The following GABRB1 variants were observed in gnomAD, a reference collection of about 807,000 sequenced individuals.
The protein encoded by GABRB1 is gamma-aminobutyric acid type A receptor subunit beta1.
In GABRB1, 17 loss-of-function variants were observed where a neutral mutation model predicts 51.6. That is an observed-to-expected ratio of 0.33 (90% CI 0.23 to 0.49). GABRB1 has a LOEUF of 0.49. Ranked by LOEUF, GABRB1 falls within the 20% of genes least tolerant of loss-of-function variation. The pLI, the probability that GABRB1 is intolerant of heterozygous loss-of-function variation, is 0.99. For synonymous variants in GABRB1, 247 were observed against 218.9 expected (o/e 1.13, Z -1.14); for missense variants, 410 against 600.6 (o/e 0.68, Z 3.32).
Position 47,266,521 on chromosome 4 carries a change from A to T in GABRB1, c.462-53606A>T, listed in dbSNP as rs185184126. Among the ~76,000 whole-genome samples the T allele has an allele frequency of 3.3e-5, 5 of 152,248 alleles. No homozygotes were observed. The East Asian group carries it at 7.7e-4, about 23-fold the overall frequency. ...TTAATTACAATTTAGTTTCTGTCTT[A>T]ATTTCATCATTGACCCAAAGATCGG... On this transcript the variant is annotated intron_variant, in intron 4 of 8. Transcript: ENST00000295454.
chr4:47,059,350 T>A (rs574955837), intron 3 of GABRB1, among the ~76,000 whole-genome samples: 1 of 152,274 alleles, frequency 6.6e-6, no homozygotes, highest in Admixed American at 6.5e-5. Context: ...TTAATGTAAT[T>A]TTTTTGAGAA....
At chr4:47,304,154 T>C (rs1187837857) in intron 4 of GABRB1, among the ~76,000 whole-genome samples, 2 of 152,040 alleles carry the variant, frequency 1.3e-5, no homozygotes, top group Non-Finnish European at 2.9e-5. Context: ...TTTGACTATT[T>C]ACCCAGTAGA....
intron 8 of GABRB1, among the ~76,000 whole-genome samples, chr4:47,412,495 G>C (rs981122967): frequency 1.3e-5 from 2 of 152,106 alleles, no homozygotes; most frequent in Admixed American, 1.3e-4. Context: ...ATTTAAACAT[G>C]CTTTATATCA....
chr4:47,306,217 C>T (rs1724463821), intron 4 of GABRB1, among the ~76,000 whole-genome samples: 1 of 118,782 alleles, frequency 8.4e-6, no homozygotes, highest in Admixed American at 1.0e-4. Flanking sequence ...TATCCCAGAA[C>T]TTAAAGTAAA....
intron 5 of GABRB1, among the ~76,000 whole-genome samples, chr4:47,342,971 T>G (rs1413149595): frequency 6.6e-6 from 1 of 152,040 alleles, no homozygotes; most frequent in Non-Finnish European, 1.5e-5. Flanking sequence ...GCAAGATGTG[T>G]GGTGTGAAGA....
intron 3 of GABRB1, among the ~76,000 whole-genome samples, chr4:47,110,978 A>G (rs1715189386): frequency 6.6e-6 from 1 of 152,206 alleles, no homozygotes; most frequent in Non-Finnish European, 1.5e-5. Context: ...AATAAGGTTT[A>G]CAAAAAAGGA....
At chr4:47,110,303 G>T (rs530975929) in intron 3 of GABRB1, among the ~76,000 whole-genome samples, 11 of 151,736 alleles carry the variant, frequency 7.2e-5, no homozygotes, top group Non-Finnish European at 1.5e-4. Context: ...ATCTCAAGAG[G>T]CACTGTTATT....
intron 4 of GABRB1, among the ~76,000 whole-genome samples, chr4:47,197,845 C>T (rs1196047160): frequency 1.3e-5 from 2 of 152,102 alleles, no homozygotes. Flanking sequence ...GTAAGAACAC[C>T]TGTGACATTT....
At chr4:47,107,088 C>T (rs2109619093) in intron 3 of GABRB1, among the ~76,000 whole-genome samples, 1 of 152,190 alleles carries the variant, frequency 6.6e-6, no homozygotes, top group East Asian at 1.9e-4. Context: ...AGCTAAAACA[C>T]TTTAACAGCT....
intron 4 of GABRB1, among the ~76,000 whole-genome samples, chr4:47,319,403 G>A (rs758523560): frequency 2.0e-5 from 3 of 151,964 alleles, no homozygotes; most frequent in Non-Finnish European, 4.4e-5. Context: ...AGATCTTAGA[G>A]GAAAAGCTTT....
At chr4:47,100,372 A>G (rs1262172772) in intron 3 of GABRB1, among the ~76,000 whole-genome samples, 1 of 152,094 alleles carries the variant, frequency 6.6e-6, no homozygotes, top group East Asian at 1.9e-4. Flanking sequence ...GGGAGAAAGA[A>G]GTCAAGAAAG....
At chr4:47,303,665 T>C (rs748660948) in intron 4 of GABRB1, among the ~76,000 whole-genome samples, 42 of 152,052 alleles carry the variant, frequency 2.8e-4, no homozygotes, top group Non-Finnish European at 1.6e-4. Flanking sequence ...ATGTACAACA[T>C]GCTATTTTGA....
chr4:47,337,979 C>T (rs923891766), intron 5 of GABRB1, among the ~76,000 whole-genome samples: 6 of 152,224 alleles, frequency 3.9e-5, no homozygotes, highest in Admixed American at 6.5e-5. Flanking sequence ...GAATTCTGAG[C>T]GGCTTCAACT....
intron 3 of GABRB1, among the ~76,000 whole-genome samples, chr4:47,156,917 G>T (rs1227432982): frequency 1.3e-5 from 2 of 151,978 alleles, no homozygotes; most frequent in Non-Finnish European, 2.9e-5. Context: ...GCAGTGAGCC[G>T]AGGTCATGCC....
At chr4:47,326,809 T>C (rs955716721) in intron 5 of GABRB1, among the ~76,000 whole-genome samples, 6 of 152,192 alleles carry the variant, frequency 3.9e-5, no homozygotes, top group Non-Finnish European at 8.8e-5. Flanking sequence ...CTGTTATTCA[T>C]AAATTACCCA....
intron 1 of GABRB1, among the ~76,000 whole-genome samples, chr4:47,023,325 G>T (rs763425450): frequency 1.3e-5 from 2 of 152,050 alleles, no homozygotes; most frequent in Non-Finnish European, 2.9e-5. Context: ...CTTAAAGAGT[G>T]TTATTGGGCT....
At chr4:47,326,298 T>A (rs1216317618) in intron 5 of GABRB1, among the ~76,000 whole-genome samples, 5 of 152,176 alleles carry the variant, frequency 3.3e-5, no homozygotes, top group Non-Finnish European at 5.9e-5. Context: ...TATGTCACAG[T>A]GCCTACGTCA....
intron 3 of GABRB1, among the ~76,000 whole-genome samples, chr4:47,133,327 A>G (rs950984642): frequency 2.0e-5 from 3 of 152,210 alleles, no homozygotes; most frequent in Admixed American, 6.5e-5. Flanking sequence ...ATCTAGTCAG[A>G]TATTCACTCC....
chr4:47,301,735 A>G (rs1248820913), intron 4 of GABRB1, among the ~76,000 whole-genome samples: 1 of 152,192 alleles, frequency 6.6e-6, no homozygotes, highest in East Asian at 1.9e-4. Flanking sequence ...CATGCTGAAA[A>G]GACATAGTAT....
Sources: allele counts gnomAD v4.1 joint callset (sites outside exome capture counted in the v4.1 genomes callset), GRCh38; gene constraint gnomAD v4.1.1; transcripts MANE v1.5; gene names NCBI Gene and HGNC (gene_info 2026-07-23, HGNC 2026-07-21).